The following FHOD3 variants were observed in gnomAD, a reference collection of about 807,000 sequenced individuals.
FHOD3 encodes the protein formin homology 2 domain containing 3.
FHOD3 carries 90 observed loss-of-function variants against 173.0 expected under a neutral mutation model. That is an observed-to-expected ratio of 0.52 (90% CI 0.44 to 0.62). The LOEUF is 0.62. Among genes scored for constraint, FHOD3 ranks in the 20% least tolerant of loss-of-function variants. The pLI is 0.00. For synonymous variants in FHOD3, 828 were observed against 823.0 expected, an observed-to-expected ratio of 1.01 and a Z score of -0.10; for missense variants, 1,945 against 2,034.7, an observed-to-expected ratio of 0.96 and a Z score of 0.85.
At chr18:36,356,912 G>A (rs1244346706) in intron 2 of FHOD3, among the ~76,000 whole-genome samples, 1 of 152,104 alleles carries the variant, frequency 6.6e-6, no homozygotes, top group Admixed American at 6.5e-5. Flanking sequence ...GGGATTACAG[G>A]CGTGAGTCAC....
chr18:36,598,558 T>C (rs1422903409), intron 7 of FHOD3, among the ~76,000 whole-genome samples: 1 of 81,142 alleles, frequency 1.2e-5, no homozygotes, highest in Admixed American at 1.5e-4. Context: ...TGTTTTTAAA[T>C]TTTTTTTTTT....
chr18:36,468,541 G>A (rs1036845881), intron 3 of FHOD3, among the ~76,000 whole-genome samples: 4 of 152,228 alleles, frequency 2.6e-5, no homozygotes, highest in African/African-American at 7.2e-5. Flanking sequence ...CTGTGGGTGT[G>A]AGCCAGTGGA....
At chr18:36,455,430 T>C (rs951645696) in intron 3 of FHOD3, among the ~76,000 whole-genome samples, 1 of 152,252 alleles carries the variant, frequency 6.6e-6, no homozygotes, top group African/African-American at 2.4e-5. Flanking sequence ...TGTTTCACAG[T>C]AGATTTTTCT....
At chr18:36,515,464 G>A (rs576093158) in intron 5 of FHOD3, among the ~76,000 whole-genome samples, 9 of 152,094 alleles carry the variant, frequency 5.9e-5, no homozygotes, top group African/African-American at 1.2e-4. Context: ...GTGATCACCC[G>A]CCTCTGCCTC....
chr18:36,678,710 G>T (rs1211980005), intron 14 of FHOD3, among the ~76,000 whole-genome samples: 1 of 151,370 alleles, frequency 6.6e-6, no homozygotes, highest in Non-Finnish European at 1.5e-5. Context: ...AGCTTTTTCT[G>T]CATTTGCAGA....
intron 14 of FHOD3, among the ~76,000 whole-genome samples, chr18:36,660,141 C>T (rs375820951): frequency 8.5e-5 from 13 of 152,100 alleles, no homozygotes; most frequent in South Asian, 2.1e-4. Context: ...TGGTGGTGCA[C>T]GCCTGTTATC....
rs370070621 is a variant in FHOD3, at chr18:36,455,110, A to G, written c.338-46822A>G. Among the ~76,000 whole-genome samples, 28 of 152,360 alleles carry G rather than the reference A, an allele frequency of 1.8e-4. No homozygotes were observed. The South Asian group carries it at 5.4e-3, about 29-fold the overall frequency. On this transcript the variant is annotated intron_variant, in intron 3 of 28. Coordinates refer to ENST00000590592, the MANE Select transcript of FHOD3 (RefSeq NM_001281740.3). ...TGACAGCTGGCCAGAGGTGTCAGCA[A>G]CGTTTCTGAAATTGGAGTGCATGTG... is the stretch of plus-strand genomic sequence containing the variant.
intron 18 of FHOD3, among the ~76,000 whole-genome samples, chr18:36,714,490 T>C (rs1287333614): frequency 6.6e-6 from 1 of 152,104 alleles, no homozygotes; most frequent in African/African-American, 2.4e-5. Flanking sequence ...TGAGCCGAGA[T>C]CACATCACTG....
intron 3 of FHOD3, among the ~76,000 whole-genome samples, chr18:36,480,592 G>A (rs975928570): frequency 4.6e-5 from 7 of 152,204 alleles, no homozygotes; most frequent in African/African-American, 1.7e-4. Flanking sequence ...CTGGAGGTTT[G>A]CAGTTTCTGT....
chr18:36,326,929 T>C (rs2044699503), intron 1 of FHOD3, among the ~76,000 whole-genome samples: 1 of 152,216 alleles, frequency 6.6e-6, no homozygotes, highest in Non-Finnish European at 1.5e-5. Flanking sequence ...CTGCGTTTTC[T>C]CAGCTCGGAC....
At chr18:36,351,606 G>A in intron 1 of FHOD3, among the ~76,000 whole-genome samples, 1 of 152,220 alleles carries the variant, frequency 6.6e-6, no homozygotes, top group Non-Finnish European at 1.5e-5. Context: ...GGAAATGGTA[G>A]TAGTTATGCT....
chr18:36,657,864 A>T (rs181080956), intron 13 of FHOD3, among the ~76,000 whole-genome samples: 1 of 152,198 alleles, frequency 6.6e-6, no homozygotes, highest in Non-Finnish European at 1.5e-5. Context: ...TTGCTGCCTA[A>T]TGGTTTTAGA....
chr18:36,702,149 T>C (rs1174534946), intron 17 of FHOD3, among the ~76,000 whole-genome samples: 1 of 152,162 alleles, frequency 6.6e-6, no homozygotes, highest in East Asian at 1.9e-4. Flanking sequence ...GTGAGTTTGC[T>C]CTCCTGGGGG....
chr18:36,715,643 A>G (rs1424929339), intron 18 of FHOD3, among the ~76,000 whole-genome samples: 3 of 152,236 alleles, frequency 2.0e-5, no homozygotes, highest in African/African-American at 7.2e-5. Flanking sequence ...TGAAAAAGGC[A>G]ATTTATTGAG....
At chr18:36,334,313 G>A (rs751390147) in intron 1 of FHOD3, among the ~76,000 whole-genome samples, 1 of 152,194 alleles carries the variant, frequency 6.6e-6, no homozygotes, top group African/African-American at 2.4e-5. Context: ...CCCAAGTTAA[G>A]GAGAGGCAGC....
intron 10 of FHOD3, among the ~76,000 whole-genome samples, chr18:36,636,173 A>T (rs1454659211): frequency 6.6e-6 from 1 of 152,172 alleles, no homozygotes; most frequent in Non-Finnish European, 1.5e-5. Context: ...CTGAATGTTC[A>T]CAGCACTTTC....
intron 3 of FHOD3, among the ~76,000 whole-genome samples, chr18:36,414,496 G>A (rs2049522710): frequency 6.6e-6 from 1 of 152,162 alleles, no homozygotes; most frequent in Admixed American, 6.5e-5. Context: ...CAATACCAAG[G>A]AGAGCTGCTG....
chr18:36,682,575 T>G (rs897031479), intron 15 of FHOD3, among the ~76,000 whole-genome samples: 1 of 150,726 alleles, frequency 6.6e-6, no homozygotes, highest in African/African-American at 2.5e-5. Context: ...AATAACGTGT[T>G]TTTGTTTTGT....
chr18:36,645,743 A>AGTTTATCTTTATT (rs2035635625), intron 10 of FHOD3, among the ~76,000 whole-genome samples: 2 of 152,160 alleles, frequency 1.3e-5, no homozygotes, highest in African/African-American at 4.8e-5. Context: ...CATTACAACA[A>AGTTTATCTTTATT]AATGTATTAT....
Sources: gnomAD v4.1 joint callset for allele counts (sites outside exome capture counted in the v4.1 genomes callset) on GRCh38, gnomAD v4.1.1 for gene constraint, MANE v1.5 for transcripts, NCBI Gene and HGNC (gene_info 2026-07-23, HGNC 2026-07-21) for gene names.